The following EIF4G3 variants were observed in gnomAD, a reference collection of about 807,000 sequenced individuals.
The protein encoded by EIF4G3 is eukaryotic translation initiation factor 4 gamma 3.
A neutral mutation model predicts 186.4 loss-of-function variants in EIF4G3; 34 were observed. That is an observed-to-expected ratio of 0.18 (90% confidence interval 0.14 to 0.24). The LOEUF (loss-of-function observed/expected upper bound fraction) is 0.24. Among genes scored for constraint, EIF4G3 ranks in the 10% least tolerant of loss-of-function variants. The pLI is 1.00. For missense variants in EIF4G3, 1,536 were observed against 1,948.5 expected (o/e 0.79, Z 3.99); for synonymous variants, 673 against 679.5 (o/e 0.99, Z 0.15).
intron 2 of EIF4G3, among the ~76,000 whole-genome samples, chr1:21,103,115 C>CT (rs1220490571): frequency 6.6e-6 from 1 of 152,124 alleles, no homozygotes; most frequent in Non-Finnish European, 1.5e-5. Context: ...CTCCTTAATG[C>CT]TTTTAATATA....
intron 12 of EIF4G3, among the ~76,000 whole-genome samples, chr1:20,960,632 A>G: frequency 6.6e-6 from 1 of 152,132 alleles, no homozygotes. Context: ...ATGTGCATGT[A>G]GTCCCAGCTA....
chr1:20,994,865 T>C (rs2081952886), intron 7 of EIF4G3, among the ~76,000 whole-genome samples: 1 of 151,996 alleles, frequency 6.6e-6, no homozygotes, highest in Non-Finnish European at 1.5e-5. Flanking sequence ...TCTCTAACTC[T>C]GGGGCTCAAG....
rs535992965 is a variant in EIF4G3, at chr1:20,844,700, C to T, written c.3889-3672G>A. Among the ~76,000 whole-genome samples the T allele has an allele frequency of 1.0e-3, 159 of 151,956 alleles. 1 individual carries two copies. Among genetic ancestry groups the T allele is most frequent in the African/African-American group, 3.5e-3 (146 of 41,488 alleles). On this transcript the variant is annotated intron_variant, in intron 29 of 36. Transcript: ENST00000602326. ...ACAAAAAATTAGCTGGGTGTAGTGG[C>T]GGGCGCCTGTAATCCCAGCTACTCG...
intron 14 of EIF4G3, among the ~76,000 whole-genome samples, chr1:20,913,406 C>T (rs1473738110): frequency 6.6e-6 from 1 of 152,030 alleles, no homozygotes. Context: ...GGTGTGGTGG[C>T]ATGTGTCTTT....
intron 6 of EIF4G3, chr1:20,999,380 C>T: frequency 2.6e-6 from 1 of 381,544 alleles, no homozygotes; most frequent in Middle Eastern, 3.6e-4. Context: ...ACAGGCAATA[C>T]CACCCATGTG....
chr1:20,971,196 G>T (rs528825149), intron 11 of EIF4G3, among the ~76,000 whole-genome samples: 1 of 152,272 alleles, frequency 6.6e-6, no homozygotes, highest in African/African-American at 2.4e-5. Context: ...ACCCACTGTT[G>T]TTTATTACCA....
intron 25 of EIF4G3, among the ~76,000 whole-genome samples, chr1:20,856,449 C>T (rs2074928459): frequency 6.6e-6 from 1 of 152,178 alleles, no homozygotes; most frequent in African/African-American, 2.4e-5. Flanking sequence ...ACCCACTGGA[C>T]TTTAGAAGTT....
intron 20 of EIF4G3, among the ~76,000 whole-genome samples, chr1:20,877,057 T>C (rs2081090658): frequency 6.6e-6 from 1 of 152,226 alleles, no homozygotes; most frequent in Admixed American, 6.5e-5. Context: ...CTATAATTTC[T>C]TCATATTCCA....
At chr1:21,115,232 T>C (rs1231541035) in intron 2 of EIF4G3, among the ~76,000 whole-genome samples, 3 of 152,156 alleles carry the variant, frequency 2.0e-5, no homozygotes, top group Non-Finnish European at 4.4e-5. Flanking sequence ...TAACCCTTCC[T>C]TTCACATGAC....
intron 3 of EIF4G3, chr1:21,073,750 G>T: frequency 2.2e-6 from 1 of 461,720 alleles, no homozygotes; most frequent in African/African-American, 2.0e-5. Flanking sequence ...AGTCTATGAT[G>T]GTATTGTCAC....
At chr1:20,852,271 G>C (rs1336204533) in intron 27 of EIF4G3, among the ~76,000 whole-genome samples, 3 of 152,026 alleles carry the variant, frequency 2.0e-5, no homozygotes, top group Non-Finnish European at 2.9e-5. Flanking sequence ...CAAACTGCTG[G>C]GATTACAGGC....
chr1:20,862,922 G>A (rs1482260812), intron 22 of EIF4G3, among the ~76,000 whole-genome samples: 1 of 152,002 alleles, frequency 6.6e-6, no homozygotes, highest in Non-Finnish European at 1.5e-5. Flanking sequence ...CCACAGACAG[G>A]CATATGCCAC....
intron 13 of EIF4G3, among the ~76,000 whole-genome samples, chr1:20,949,729 T>C (rs1301244520): frequency 6.6e-6 from 1 of 152,212 alleles, no homozygotes; most frequent in Non-Finnish European, 1.5e-5. Flanking sequence ...CTTCCCACCT[T>C]GTTTTAAAGG....
At chr1:20,917,461 C>T (rs1185695939) in intron 14 of EIF4G3, among the ~76,000 whole-genome samples, 2 of 152,164 alleles carry the variant, frequency 1.3e-5, no homozygotes, top group Non-Finnish European at 1.5e-5. Flanking sequence ...GGGCTGTGAT[C>T]GTGCCACTGC....
At chr1:21,019,718 A>T (rs2090187327) in intron 4 of EIF4G3, among the ~76,000 whole-genome samples, 1 of 152,124 alleles carries the variant, frequency 6.6e-6, no homozygotes, top group African/African-American at 2.4e-5. Context: ...CCCTGTCTCT[A>T]CTAAAAATAC....
intron 14 of EIF4G3, among the ~76,000 whole-genome samples, chr1:20,912,502 G>A (rs2093364285): frequency 6.6e-6 from 1 of 152,134 alleles, no homozygotes; most frequent in African/African-American, 2.4e-5. Flanking sequence ...TGAAATTAAT[G>A]TGTCCAGAGT....
At position 20,829,946 on chromosome 1, in the gene EIF4G3, C is replaced by T. The variant is rs1246358375; in HGVS notation, c.4062-674G>A. Among the ~76,000 whole-genome samples the T allele has an allele frequency of 3.3e-5, 5 of 152,074 alleles. No homozygotes were observed. In the East Asian group the frequency reaches 9.6e-4, roughly 29 times the overall value. On this transcript the variant is annotated intron_variant, in intron 30 of 36. Coordinates refer to ENST00000602326, the MANE Select transcript of EIF4G3 (RefSeq NM_001391906.1). ...CTTAGGAAAATCAAATATAAAATAC[C>T]AGCACTCTTATGTAGGCTAAAAATC...
At chr1:20,924,367 A>G (rs777783216) in intron 14 of EIF4G3, among the ~76,000 whole-genome samples, 7 of 152,336 alleles carry the variant, frequency 4.6e-5, no homozygotes, top group Non-Finnish European at 8.8e-5. Context: ...TATCAGAAAT[A>G]CAAAAAATAA....
chr1:21,023,599 G>C (rs534075874), intron 4 of EIF4G3, among the ~76,000 whole-genome samples: 40 of 151,934 alleles, frequency 2.6e-4, no homozygotes, highest in Non-Finnish European at 5.1e-4. Context: ...GCGTGATCTC[G>C]GCTCGCTACA....
Sources: allele counts gnomAD v4.1 joint callset (sites outside exome capture counted in the v4.1 genomes callset), GRCh38; gene constraint gnomAD v4.1.1; transcripts MANE v1.5; gene names NCBI Gene and HGNC (gene_info 2026-07-23, HGNC 2026-07-21).